Variants in PFKFB3 observed in about 807,000 individuals in gnomAD.
The protein encoded by PFKFB3 is 6-phosphofructo-2-kinase/fructose-2,6-bisphosphatase 3.
Under a neutral mutation model 68.0 loss-of-function variants are expected in PFKFB3, and 33 were observed. The ratio of observed to expected loss-of-function variants is 0.49; its 90% confidence interval spans 0.37 to 0.65. The LOEUF is 0.65. Ranked by LOEUF, PFKFB3 falls within the 30% of genes least tolerant of loss-of-function variation. The probability of loss-of-function intolerance (pLI) is 0.00; values close to 1 mark genes in which losing one functional copy is unlikely to be tolerated. For synonymous variants in PFKFB3, 315 were observed against 288.2 expected (o/e 1.09, Z -0.94); for missense variants, 586 against 712.2 (o/e 0.82, Z 2.02).
At chr10:6,148,245 G>A (rs1389023726) in intron 1 of PFKFB3, among the ~76,000 whole-genome samples, 2 of 152,246 alleles carry the variant, frequency 1.3e-5, no homozygotes, top group Non-Finnish European at 2.9e-5. Flanking sequence ...CATGGAGAGG[G>A]TGTGGCACTG....
chr10:6,271,282 C>T, the PFKFB3 span, among the ~76,000 whole-genome samples: 1 of 152,200 alleles, frequency 6.6e-6, no homozygotes, highest in Admixed American at 6.5e-5. Context: ...GGACGAGAAC[C>T]GAAGAGCGTT....
In PFKFB3 at chr10:6,232,858, T is replaced by G. The variant is rs780539261; in HGVS notation, c.1516-37T>G. 2.5e-6 allele frequency: 4 copies of G among 1,580,384 alleles called. No individual in the cohort carries two copies. In the South Asian group the frequency reaches 4.4e-5, roughly 17 times the overall value. On this transcript the variant is annotated intron_variant, in intron 14 of 14. Coordinates refer to ENST00000379775, the MANE Select transcript of PFKFB3 (RefSeq NM_004566.4). Reference sequence around the variant, plus strand: ...TTAGAATTCAGCCAGCTACAAATCCTAACTCCCTCCCCACCTCTCTTTTCT... The same window carrying G: ...TTAGAATTCAGCCAGCTACAAATCCGAACTCCCTCCCCACCTCTCTTTTCT...
the PFKFB3 span, among the ~76,000 whole-genome samples, chr10:6,314,649 AC>A: frequency 1.9e-3 from 292 of 152,346 alleles, 1 homozygote; most frequent in Non-Finnish European, 2.0e-3. Flanking sequence ...ACTGTTAAGA[AC>A]CATACCTGTG....
At chr10:6,161,299 T>G (rs988510032) in intron 1 of PFKFB3, among the ~76,000 whole-genome samples, 2 of 152,074 alleles carry the variant, frequency 1.3e-5, no homozygotes, top group African/African-American at 4.8e-5. Flanking sequence ...CCTCTGCAAG[T>G]TCCCCCTGCC....
At chr10:6,164,417 G>C (rs1842067866) in intron 1 of PFKFB3, among the ~76,000 whole-genome samples, 1 of 152,224 alleles carries the variant, frequency 6.6e-6, no homozygotes, top group Non-Finnish European at 1.5e-5. Flanking sequence ...AAGAATTGGG[G>C]ATGTTTAACC....
At chr10:6,178,060 A>G (rs1842583762) in intron 1 of PFKFB3, among the ~76,000 whole-genome samples, 1 of 152,040 alleles carries the variant, frequency 6.6e-6, no homozygotes, top group South Asian at 2.1e-4. Flanking sequence ...GTCAGGAGGG[A>G]GCCAAGGCGT....
intron 1 of PFKFB3, among the ~76,000 whole-genome samples, chr10:6,151,710 G>A (rs1841593217): frequency 6.6e-6 from 1 of 152,170 alleles, no homozygotes. Flanking sequence ...ACGGGAAGTC[G>A]GGAGGGTACC....
the PFKFB3 span, among the ~76,000 whole-genome samples, chr10:6,281,388 C>CGG: frequency 1.3e-5 from 2 of 151,776 alleles, no homozygotes; most frequent in African/African-American, 4.8e-5. Flanking sequence ...CATACAGAAA[C>CGG]GGCTCCATCT....
the PFKFB3 span, among the ~76,000 whole-genome samples, chr10:6,326,254 A>AGGG: frequency 1.3e-5 from 2 of 152,132 alleles, no homozygotes; most frequent in Non-Finnish European, 2.9e-5. Flanking sequence ...GGACACAGGG[A>AGGG]GGGGAACATC....
upstream of PFKFB3, chr10:6,202,333 G>A (rs527617479): frequency 2.6e-5 from 4 of 152,428 alleles, no homozygotes; most frequent in Admixed American, 2.6e-4. Flanking sequence ...ACAAGGACGA[G>A]GTGAGGTGGG....
chr10:6,293,960 T>G, the PFKFB3 span: 4 of 505,094 alleles, frequency 7.9e-6, no homozygotes, highest in Non-Finnish European at 1.6e-5. Flanking sequence ...CTTCACGAAT[T>G]TTCCATCTTG....
chr10:6,291,945 G>GTTTTTTTTT, the PFKFB3 span, among the ~76,000 whole-genome samples: 1 of 94,348 alleles, frequency 1.1e-5, no homozygotes, highest in Non-Finnish European at 2.1e-5. Flanking sequence ...GAAACCAGTG[G>GTTTTTTTTT]TTTTTTTTTT....
chr10:6,269,433 A>G, the PFKFB3 span, among the ~76,000 whole-genome samples: 3 of 152,168 alleles, frequency 2.0e-5, no homozygotes, highest in South Asian at 6.2e-4. Flanking sequence ...AGCTGGGACT[A>G]CAGGTATGCA....
chr10:6,221,747 T>G lies in PFKFB3; in HGVS notation c.1083+2T>G. ...TATTACCGCTACCCCACCGGGGAGG[T>G]GAGCGCAGGCTGGGGCGGGCTGACG... On this transcript the variant is annotated splice_donor_variant, in intron 10 of 14. Coordinates refer to ENST00000379775, the MANE Select transcript of PFKFB3 (RefSeq NM_004566.4). LOFTEE classifies it high-confidence loss of function. 6.3e-7 allele frequency: 1 copy of G among 1,587,024 alleles called. No individual in the cohort carries two copies. The highest frequency in any genetic ancestry group is 1.1e-5 in the South Asian group (1 of 87,558).
At chr10:6,238,339 A>G (rs891100828), downstream of PFKFB3, among the ~76,000 whole-genome samples, 1 of 151,490 alleles carries the variant, frequency 6.6e-6, no homozygotes, top group African/African-American at 2.4e-5. Flanking sequence ...TAAGTTTTAT[A>G]TTTTTAGTAG....
chr10:6,214,404 T>C (rs1270436291), intron 2 of PFKFB3, among the ~76,000 whole-genome samples: 4 of 152,154 alleles, frequency 2.6e-5, no homozygotes, highest in Non-Finnish European at 4.4e-5. Context: ...TCCACGAAAG[T>C]GGTCCCTGGT....
chr10:6,274,207 A>G, the PFKFB3 span, among the ~76,000 whole-genome samples: 2 of 152,054 alleles, frequency 1.3e-5, no homozygotes, highest in Non-Finnish European at 1.5e-5. Flanking sequence ...CTCTAAAAAA[A>G]AAAAAAATTA....
At chr10:6,202,772 G>C (rs1301678314), upstream of PFKFB3, 2 of 624,006 alleles carry the variant, frequency 3.2e-6, no homozygotes, top group East Asian at 1.4e-4. Context: ...CGCCGTCGCC[G>C]GCCCGCAGGG....
chr10:6,229,963 C>T lies in PFKFB3; in HGVS notation c.1516-2932C>T, dbSNP rs1047346964. On this transcript the variant is annotated intron_variant, in intron 14 of 14. Transcript: ENST00000379775. The surrounding 1 kb of genome is among the most constrained non-coding windows in gnomAD (Gnocchi z 4.3). ...ACCACCCACCTCCTGCTGTGTGGCC[C>T]GCCTCTCAGTGGGCTATGGACTGGG... 5.9e-5 allele frequency among the ~76,000 whole-genome samples: 9 copies of T among 152,062 alleles called. No homozygotes were observed. The highest frequency in any genetic ancestry group is 1.9e-4 in the East Asian group (1 of 5,184).
Sources: gnomAD v4.1 joint callset for allele counts (sites outside exome capture counted in the v4.1 genomes callset) on GRCh38, gnomAD v4.1.1 for gene constraint, Gnocchi (gnomAD v3.1) non-coding constraint, MANE v1.5 for transcripts, NCBI Gene and HGNC (gene_info 2026-07-23, HGNC 2026-07-21) for gene names.